The following TRPC3 variants were observed in gnomAD, a reference collection of about 807,000 sequenced individuals.
The protein encoded by TRPC3 is transient receptor potential cation channel subfamily C member 3, also known as short transient receptor potential channel 3.
A neutral mutation model predicts 90.9 loss-of-function variants in TRPC3; 54 were observed. That is an observed-to-expected ratio of 0.59 (90% confidence interval 0.48 to 0.75). The LOEUF is 0.75. Ranked by LOEUF, TRPC3 falls within the 30% of genes least tolerant of loss-of-function variation. The probability of loss-of-function intolerance (pLI) is 0.00; values close to 1 mark genes in which losing one functional copy is unlikely to be tolerated. For missense variants in TRPC3, 918 were observed against 1,194.5 expected, an observed-to-expected ratio of 0.77 and a Z score of 3.41; for synonymous variants, 424 against 450.9, an observed-to-expected ratio of 0.94 and a Z score of 0.75.
At chr4:121,899,889 T>C (rs1487190528) in intron 9 of TRPC3, among the ~76,000 whole-genome samples, 194 bp from the exon 10 acceptor site, 2 of 152,196 alleles carry the variant, frequency 1.3e-5, no homozygotes, top group African/African-American at 2.4e-5. Flanking sequence ...CTCACATTTA[T>C]CAAAATGTTG....
At chr4:121,936,428 T>G (rs1453292177) in intron 1 of TRPC3, among the ~76,000 whole-genome samples, 1 of 152,214 alleles carries the variant, frequency 6.6e-6, no homozygotes, top group Non-Finnish European at 1.5e-5. Flanking sequence ...GAGTGCATTC[T>G]GCAGGGACTT....
At chr4:121,924,641 A>G (rs1220950679) in intron 3 of TRPC3, among the ~76,000 whole-genome samples, 2 of 152,192 alleles carry the variant, frequency 1.3e-5, no homozygotes, top group African/African-American at 4.8e-5. Context: ...CCTGGGCTCA[A>G]GTGATCTTCC....
chr4:121,934,120 T>C (rs1262806023), intron 1 of TRPC3, among the ~76,000 whole-genome samples: 2 of 152,166 alleles, frequency 1.3e-5, no homozygotes, highest in African/African-American at 4.8e-5. Flanking sequence ...ATTATCAAAG[T>C]TATGTCAATT....
intron 1 of TRPC3, among the ~76,000 whole-genome samples, chr4:121,938,584 A>G (rs1730205936): frequency 6.6e-6 from 1 of 152,244 alleles, no homozygotes; most frequent in Non-Finnish European, 1.5e-5. Context: ...TTTTCAATGC[A>G]CTATCATATT....
chr4:121,930,922 T>C, intron 2 of TRPC3: 1 of 287,804 alleles, frequency 3.5e-6, no homozygotes, highest in Non-Finnish European at 6.6e-6. Context: ...GGGTTAGATA[T>C]AAGGTAAGAC....
rs1216573202 is a variant in TRPC3 at position 121,875,332 on chromosome 4, C to G, written c.*4404G>C. Among the ~76,000 whole-genome samples the G allele has an allele frequency of 6.6e-6, 1 of 152,116 alleles. No individual in the cohort carries two copies. The highest frequency in any genetic ancestry group is 1.5e-5 in the Non-Finnish European group (1 of 68,012). On this transcript the variant is annotated 3_prime_UTR_variant, in exon 12 of 12. Transcript: ENST00000379645. ...TTTGCATAATATGATATTTGGAATT[C>G]TTTGATTTTGCATCTAAAAATGCAA... is the stretch of plus-strand genomic sequence containing the variant.
At chr4:121,921,413 T>A (rs192117477) in intron 3 of TRPC3, among the ~76,000 whole-genome samples, 4 of 148,580 alleles carry the variant, frequency 2.7e-5, no homozygotes, top group African/African-American at 9.9e-5. Flanking sequence ...TCCCAGCTAC[T>A]TGGGAGGCTG....
rs1234476547 is a variant in TRPC3, at chr4:121,948,362, T to TG, written c.215+3103dup. Among the ~76,000 whole-genome samples, 38 of 82,236 alleles carry TG rather than the reference T, an allele frequency of 4.6e-4. 1 individual carries two copies. In the Middle Eastern group the frequency reaches 0.05, roughly 108 times the overall value. 54.0% of individuals were successfully genotyped at this position (82,236 alleles called of 152,430 possible). ...GTTGCAAAATTCCATAGATTCTAGC[T>TG]GGTTTTTTTTTTTTTCCCTCAATTT... On this transcript the variant is annotated intron_variant, in intron 1 of 11. Transcript: ENST00000379645.
intron 3 of TRPC3, among the ~76,000 whole-genome samples, chr4:121,921,673 A>C (rs1164269730): frequency 6.6e-6 from 1 of 152,122 alleles, no homozygotes; most frequent in East Asian, 1.9e-4. Flanking sequence ...GGGAGTCCAT[A>C]ACATATAAAG....
At chr4:121,897,624 T>C (rs374479174) in intron 10 of TRPC3, among the ~76,000 whole-genome samples, 33 of 150,892 alleles carry the variant, frequency 2.2e-4, no homozygotes, top group African/African-American at 6.8e-4. Context: ...TCACTCCAGT[T>C]AGAATGTCTA....
chr4:121,894,660 C>T (rs1728457507), intron 10 of TRPC3, among the ~76,000 whole-genome samples: 1 of 132,976 alleles, frequency 7.5e-6, no homozygotes, highest in Admixed American at 9.3e-5. Flanking sequence ...ACTTCTTGGG[C>T]TCAGGTGATC....
rs953488230 is a variant in TRPC3, at chr4:121,882,401, T to C, written c.2576A>G (p.Tyr859Cys). The C allele has an allele frequency of 1.1e-5, 18 of 1,610,652 alleles. No homozygotes were observed. The highest frequency in any genetic ancestry group is 1.5e-5 in the Non-Finnish European group (18 of 1,178,750). Residue 859 changes from tyrosine (Y) to cysteine (C), a missense_variant, in exon 11 of 12, where the codon TAT becomes TGT. This residue lies in a region of TRPC3 where 121 missense variants were observed against 135.7 expected (regional missense o/e 0.89). Coordinates refer to ENST00000379645, the MANE Select transcript of TRPC3 (RefSeq NM_001130698.2). The part of the protein sequence containing the change: ...QQIMKRLIKR[Y>C]VLKAQVDKEN... ...TTTGTCTACTTGTGCTTTCAAAACA[T>C]ACCGCTTTATAAGTCTTTTCATTAT...
chr4:121,934,349 C>A (rs1730058905), intron 1 of TRPC3, among the ~76,000 whole-genome samples: 1 of 152,166 alleles, frequency 6.6e-6, no homozygotes, highest in Non-Finnish European at 1.5e-5. Context: ...TTTCAATAAT[C>A]TGTACAATAT....
At position 121,949,688 on chromosome 4, in the gene TRPC3, T is replaced by A. The variant is rs1217362566; in HGVS notation, c.215+1778A>T. Among the ~76,000 whole-genome samples, 6 of 152,152 alleles carry A rather than the reference T, an allele frequency of 3.9e-5. No homozygotes were observed. The East Asian group carries it at 9.6e-4, about 24-fold the overall frequency. ...CTAGAAGAAACGTTTTTAATGTATA[T>A]CTCCTTAAAAATGACTGGGTCTTCT... On this transcript the variant is annotated intron_variant, in intron 1 of 11. Coordinates refer to ENST00000379645, the MANE Select transcript of TRPC3 (RefSeq NM_001130698.2).
chr4:121,930,192 G>A (rs116311529), intron 2 of TRPC3, among the ~76,000 whole-genome samples: 442 of 152,270 alleles, frequency 2.9e-3, no homozygotes, highest in Non-Finnish European at 5.3e-3. Context: ...GAGACATGAA[G>A]TCCTTGGAGA....
chr4:121,906,836 T>C (rs1470440664), intron 7 of TRPC3, among the ~76,000 whole-genome samples: 2 of 152,062 alleles, frequency 1.3e-5, no homozygotes, highest in East Asian at 3.9e-4. Flanking sequence ...GAAACCAGTA[T>C]GGCCAAAGGA....
intron 1 of TRPC3, among the ~76,000 whole-genome samples, chr4:121,934,321 T>C (rs1157394954): frequency 6.6e-6 from 1 of 152,210 alleles, no homozygotes; most frequent in East Asian, 1.9e-4. Context: ...ACTTTTAACA[T>C]CGTGACTATC....
intron 1 of TRPC3, among the ~76,000 whole-genome samples, chr4:121,945,485 T>C (rs1489946965): frequency 6.6e-6 from 1 of 152,052 alleles, no homozygotes; most frequent in Non-Finnish European, 1.5e-5. Flanking sequence ...AATCATTTAG[T>C]GGAGAGAAAG....
At chr4:121,919,756 T>A (rs527527541) in intron 3 of TRPC3, among the ~76,000 whole-genome samples, 44 of 152,174 alleles carry the variant, frequency 2.9e-4, no homozygotes, top group Non-Finnish European at 5.1e-4. Flanking sequence ...TTAAATCTAA[T>A]CCTACTATGG....
Sources: gnomAD v4.1 joint callset for allele counts (sites outside exome capture counted in the v4.1 genomes callset) on GRCh38, gnomAD v4.1.1 for gene constraint, gnomAD v4.1.1 regional missense constraint, MANE v1.5 for transcripts, NCBI Gene and HGNC (gene_info 2026-07-23, HGNC 2026-07-21) for gene names.